SENP6: variants seen among roughly 807,000 people sequenced by gnomAD.
SENP6 encodes the protein sentrin-specific protease 6.
In SENP6, 41 loss-of-function variants were observed where a neutral mutation model predicts 134.5. The ratio of observed to expected loss-of-function variants is 0.30; its 90% CI spans 0.24 to 0.40. The LOEUF (loss-of-function observed/expected upper bound fraction) is 0.40, where lower values mean the gene tolerates loss of function less well. SENP6 is among the 10% of genes least tolerant of loss of function. The pLI, the probability that SENP6 is intolerant of heterozygous loss-of-function variation, is 1.00. For synonymous variants in SENP6, 395 were observed against 429.8 expected (o/e 0.92, Z 1.00); for missense variants, 1,248 against 1,312.5 (o/e 0.95, Z 0.76).
At chr6:75,675,786 T>G in intron 12 of SENP6, 74 bp from the exon 13 acceptor site, 1 of 1,275,660 alleles carries the variant, frequency 7.8e-7, no homozygotes, top group African/African-American at 1.5e-5. Context: ...AAACTTGTAT[T>G]TCCTCACAAT....
At chr6:75,696,424 T>A (rs1045558134) in intron 17 of SENP6, among the ~76,000 whole-genome samples, 3 of 152,198 alleles carry the variant, frequency 2.0e-5, no homozygotes, top group Admixed American at 6.5e-5. Flanking sequence ...ATAAGCTCTT[T>A]GGGTGATTCT....
At chr6:75,690,387 C>A (rs918715995) in intron 16 of SENP6, among the ~76,000 whole-genome samples, 1 of 152,168 alleles carries the variant, frequency 6.6e-6, no homozygotes, top group Non-Finnish European at 1.5e-5. Flanking sequence ...AATACTGTTA[C>A]TTGCTTTAAC....
At chr6:75,683,718 A>G (rs2149884483) in intron 16 of SENP6, among the ~76,000 whole-genome samples, 1 of 152,076 alleles carries the variant, frequency 6.6e-6, no homozygotes, top group Non-Finnish European at 1.5e-5. Flanking sequence ...GATGTGTGGT[A>G]TTATTTCTCA....
At chr6:75,707,603 C>T (rs1247153207) in intron 19 of SENP6, among the ~76,000 whole-genome samples, 1 of 152,038 alleles carries the variant, frequency 6.6e-6, no homozygotes, top group Non-Finnish European at 1.5e-5. Context: ...AGCAATCCTC[C>T]CATCTCAGCC....
intron 16 of SENP6, among the ~76,000 whole-genome samples, chr6:75,685,629 T>C (rs1228375386): frequency 6.6e-6 from 1 of 152,232 alleles, no homozygotes; most frequent in East Asian, 1.9e-4. Flanking sequence ...AAAGAACATC[T>C]TTATTTCTGT....
intron 1 of SENP6, among the ~76,000 whole-genome samples, chr6:75,606,480 C>G (rs1181385943): frequency 6.6e-6 from 1 of 152,208 alleles, no homozygotes; most frequent in Non-Finnish European, 1.5e-5. Flanking sequence ...GGCAATGACA[C>G]TGCACTGAGA....
At chr6:75,631,350 G>A (rs1414446085) in intron 3 of SENP6, among the ~76,000 whole-genome samples, 1 of 152,124 alleles carries the variant, frequency 6.6e-6, no homozygotes, top group Non-Finnish European at 1.5e-5. Flanking sequence ...CATTGATGCA[G>A]CAAATACATA....
intron 9 of SENP6, among the ~76,000 whole-genome samples, chr6:75,666,110 T>C (rs999489627): frequency 6.9e-5 from 10 of 145,174 alleles, no homozygotes; most frequent in Non-Finnish European, 1.2e-4. Context: ...ATATAAAATG[T>C]ATATATGATA....
At chr6:75,635,692 A>G (rs139810238) in intron 5 of SENP6, among the ~76,000 whole-genome samples, 67 of 152,280 alleles carry the variant, frequency 4.4e-4, no homozygotes, top group Middle Eastern at 6.8e-3. Context: ...TTAAAAGGAC[A>G]AATTACTGTG....
intron 16 of SENP6, among the ~76,000 whole-genome samples, chr6:75,691,130 A>G (rs1167815990): frequency 6.8e-6 from 1 of 147,836 alleles, no homozygotes; most frequent in Non-Finnish European, 1.5e-5. Flanking sequence ...GGCGATTACC[A>G]TTCCCAGCTA....
Position 75,633,735 on chromosome 6 carries a change from A to T in SENP6, c.353+9A>T, listed in dbSNP as rs1409159756. The T allele has an allele frequency of 6.3e-7, 1 of 1,586,756 alleles. No homozygotes were observed. The highest frequency in any genetic ancestry group is 1.4e-5 in the African/African-American group (1 of 73,160). On this transcript the variant is annotated intron_variant, in intron 4 of 23. Coordinates refer to ENST00000447266, the MANE Select transcript of SENP6 (RefSeq NM_015571.4). ...AACAATAAGAAATTGAGGTATAGGCACTTCACCACACATTCCTACAGAAAA... is the reference window on the plus strand; with the variant it reads ...AACAATAAGAAATTGAGGTATAGGCTCTTCACCACACATTCCTACAGAAAA...
intron 19 of SENP6, among the ~76,000 whole-genome samples, chr6:75,706,876 C>T (rs561249923): frequency 6.6e-6 from 1 of 152,328 alleles, no homozygotes; most frequent in East Asian, 1.9e-4. Flanking sequence ...CTTTCACTTG[C>T]TGTTTTTTCA....
At chr6:75,661,938 G>A (rs2149863630) in intron 8 of SENP6, among the ~76,000 whole-genome samples, 1 of 152,256 alleles carries the variant, frequency 6.6e-6, no homozygotes. Context: ...TGTAGTCCCA[G>A]CTACTTGGGA....
chr6:75,614,599 G>T (rs1767712153), intron 1 of SENP6, among the ~76,000 whole-genome samples: 2 of 152,088 alleles, frequency 1.3e-5, no homozygotes. Context: ...TAAATATTGT[G>T]TGGAGAGATA....
At chr6:75,685,170 T>C (rs1001780724) in intron 16 of SENP6, among the ~76,000 whole-genome samples, 1 of 152,216 alleles carries the variant, frequency 6.6e-6, no homozygotes, top group African/African-American at 2.4e-5. Context: ...TTCTAGATTT[T>C]CTAGATTATT....
chr6:75,707,380 T>C (rs1186364803), intron 19 of SENP6, among the ~76,000 whole-genome samples: 1 of 121,660 alleles, frequency 8.2e-6, no homozygotes. Context: ...TTTTTTTTTT[T>C]TGAGACAGGG....
Position 75,633,679 on chromosome 6 carries a change from A to C in SENP6, c.306A>C (p.Lys102Asn). Residue 102 changes from lysine to asparagine, a missense_variant, in exon 4 of 24, where the codon AAA (lysine) becomes AAC (asparagine). Physicochemically the swap from Lys to Asn is moderately conservative, Grantham distance 94. Transcript: ENST00000447266. ...RNKSESFKTL[K>N]GNPIGLNMLS... ...AGTCTGAAAGTTTTAAAACTTTGAA[A>C]GGCAACCCAATTGGACTTAACATGT... 6.2e-7 allele frequency: 1 copy of C among 1,612,542 alleles called. No individual in the cohort carries two copies. The highest frequency in any genetic ancestry group is 1.1e-5 in the South Asian group (1 of 90,814).
intron 1 of SENP6, among the ~76,000 whole-genome samples, chr6:75,605,763 AG>A (rs1330779618): frequency 2.0e-5 from 3 of 152,206 alleles, no homozygotes; most frequent in Non-Finnish European, 2.9e-5. Context: ...GTTTGGCGCA[AG>A]GGGGTGTAAT....
intron 10 of SENP6, among the ~76,000 whole-genome samples, chr6:75,667,697 G>GTAC (rs1772353432): frequency 6.6e-6 from 1 of 152,136 alleles, no homozygotes; most frequent in African/African-American, 2.4e-5. Context: ...TTTTTAATGT[G>GTAC]TACTATTTGA....
Sources: allele counts gnomAD v4.1 joint callset (sites outside exome capture counted in the v4.1 genomes callset), GRCh38; gene constraint gnomAD v4.1.1; transcripts MANE v1.5; gene names NCBI Gene and HGNC (gene_info 2026-07-23, HGNC 2026-07-21).